Variants in RBFOX2 observed in about 807,000 individuals in gnomAD.
RBFOX2 encodes the protein RNA binding fox-1 homolog 2.
A neutral mutation model predicts 49.1 loss-of-function variants in RBFOX2; 10 were observed. That is an observed-to-expected ratio of 0.20 (90% CI 0.13 to 0.35). The LOEUF is 0.35. Ranked by LOEUF, RBFOX2 falls within the 10% of genes least tolerant of loss-of-function variation. The probability of loss-of-function intolerance (pLI) is 1.00; values close to 1 mark genes in which losing one functional copy is unlikely to be tolerated. For missense variants in RBFOX2, 323 were observed against 486.9 expected (o/e 0.66, Z 3.17); for synonymous variants, 183 against 187.4 (o/e 0.98, Z 0.19).
At chr22:35,951,013 G>A (rs1424443459) in intron 1 of RBFOX2, among the ~76,000 whole-genome samples, 1 of 149,784 alleles carries the variant, frequency 6.7e-6, no homozygotes, top group Non-Finnish European at 1.5e-5. Context: ...GAGTGCAGTG[G>A]TACAATCACA....
intron 1 of RBFOX2, among the ~76,000 whole-genome samples, chr22:35,853,623 C>T (rs929282720): frequency 6.6e-6 from 1 of 150,824 alleles, no homozygotes; most frequent in African/African-American, 2.4e-5. Context: ...TATACACATA[C>T]CATTATATGC....
chr22:35,879,642 A>C (rs1328398703), intron 1 of RBFOX2, among the ~76,000 whole-genome samples: 2 of 152,252 alleles, frequency 1.3e-5, no homozygotes, highest in African/African-American at 4.8e-5. Context: ...ACCTAGGAGC[A>C]GGCTTGACTG....
chr22:35,743,546 G>A (rs1365775962), exon 12 of RBFOX2: 1 of 152,266 alleles, frequency 6.6e-6, no homozygotes, highest in Non-Finnish European at 1.5e-5. Context: ...TATGCCAGCT[G>A]TCTCAGGCTG....
At chr22:35,806,768 AC>A (rs1950819476) in intron 2 of RBFOX2, among the ~76,000 whole-genome samples, 1 of 152,194 alleles carries the variant, frequency 6.6e-6, no homozygotes, top group Non-Finnish European at 1.5e-5. Flanking sequence ...AAATTTTCAG[AC>A]TGGATGAAGA....
chr22:35,969,295 G>A lies in RBFOX2; in HGVS notation c.187-30398C>T, dbSNP rs113043327. On this transcript the variant is annotated intron_variant, in intron 1 of 13. Coordinates refer to the RBFOX2 transcript ENST00000438146. ...AAAAAAAAAAGCAGCTTTTATGGCC[G>A]GGCACAGTGGCTCACGCCTGTAATC... is the stretch of plus-strand genomic sequence containing the variant. Among the ~76,000 whole-genome samples the A allele has an allele frequency of 2.3e-3, 346 of 152,134 alleles. 3 individuals carry two copies. The highest frequency in any genetic ancestry group is 7.1e-3 in the African/African-American group (293 of 41,486).
chr22:35,803,253 A>G (rs1288165482), intron 2 of RBFOX2, among the ~76,000 whole-genome samples: 5 of 152,212 alleles, frequency 3.3e-5, no homozygotes, highest in Non-Finnish European at 7.3e-5. Context: ...ATTTTCATTA[A>G]AAAATTACAA....
At chr22:35,961,752 AC>A, upstream of RBFOX2, 1 of 1,196,070 alleles carries the variant, frequency 8.4e-7, no homozygotes. Flanking sequence ...TCCCCACACC[AC>A]CCGCCCCAAA....
At chr22:35,738,866 T>C (rs572694041) in exon 12 of RBFOX2, 4 of 152,578 alleles carry the variant, frequency 2.6e-5, no homozygotes, top group African/African-American at 9.6e-5. Context: ...TGGAGAGTAA[T>C]ACAAAAAAAT....
At chr22:35,800,488 AG>A (rs1223745425) in intron 2 of RBFOX2, among the ~76,000 whole-genome samples, 1 of 152,204 alleles carries the variant, frequency 6.6e-6, no homozygotes, top group Non-Finnish European at 1.5e-5. Flanking sequence ...GCTTCAATCA[AG>A]TAGAAACCTA....
At chr22:35,753,758 G>T in intron 9 of RBFOX2, among the ~76,000 whole-genome samples, 1 of 139,878 alleles carries the variant, frequency 7.1e-6, no homozygotes, top group African/African-American at 2.6e-5. Context: ...TAACAAGTTT[G>T]AAGTAGACAA....
chr22:35,785,499 T>G (rs1946198312), intron 2 of RBFOX2, among the ~76,000 whole-genome samples: 1 of 152,206 alleles, frequency 6.6e-6, no homozygotes, highest in African/African-American at 2.4e-5. Flanking sequence ...GGTGACAGGA[T>G]GCATCCCCTC....
chr22:36,010,779 G>A (rs530086411), intron 1 of RBFOX2, among the ~76,000 whole-genome samples: 1 of 142,882 alleles, frequency 7.0e-6, no homozygotes, highest in Admixed American at 7.0e-5. Flanking sequence ...ACACACACAC[G>A]TGTGTTTATA....
chr22:35,953,210 C>CAAAAAAA (rs34387129), intron 1 of RBFOX2, among the ~76,000 whole-genome samples: 2 of 22,386 alleles, frequency 8.9e-5, no homozygotes, highest in African/African-American at 1.9e-4. Context: ...GACTCCATCT[C>CAAAAAAA]AAAAAAAAAA....
At chr22:35,892,888 C>T (rs2047414720) in intron 1 of RBFOX2, among the ~76,000 whole-genome samples, 1 of 152,214 alleles carries the variant, frequency 6.6e-6, no homozygotes, top group African/African-American at 2.4e-5. Context: ...GCTAAACCTA[C>T]ACTAAAACTC....
At chr22:35,908,010 T>C (rs1362307277) in intron 1 of RBFOX2, among the ~76,000 whole-genome samples, 1 of 152,210 alleles carries the variant, frequency 6.6e-6, no homozygotes, top group Non-Finnish European at 1.5e-5. Flanking sequence ...GCACATTTGA[T>C]GACCAAAACA....
At chr22:36,012,964 A>T (rs550867973) in intron 1 of RBFOX2, among the ~76,000 whole-genome samples, 1 of 151,982 alleles carries the variant, frequency 6.6e-6, no homozygotes, top group African/African-American at 2.4e-5. Context: ...TGGGGTTTCA[A>T]CCTGTTGGCC....
intron 1 of RBFOX2, among the ~76,000 whole-genome samples, chr22:36,026,537 T>TACATACAC (rs1556557803): frequency 7.4e-6 from 1 of 135,476 alleles, no homozygotes; most frequent in Non-Finnish European, 1.5e-5. Context: ...GATAAATGAA[T>TACATACAC]ACATACACAC....
chr22:35,862,631 T>C (rs1046191844), intron 1 of RBFOX2, among the ~76,000 whole-genome samples: 3 of 152,138 alleles, frequency 2.0e-5, no homozygotes, highest in African/African-American at 7.2e-5. Context: ...GTATCCCTAA[T>C]ACCTAGCAGA....
intron 1 of RBFOX2, among the ~76,000 whole-genome samples, chr22:35,934,742 T>C (rs2052855263): frequency 1.3e-5 from 2 of 152,124 alleles, no homozygotes; most frequent in African/African-American, 4.8e-5. Context: ...GCTCTTAAGC[T>C]CTTCTTATAT....
Sources: allele counts gnomAD v4.1 joint callset (sites outside exome capture counted in the v4.1 genomes callset), GRCh38; gene constraint gnomAD v4.1.1; transcripts MANE v1.5; gene names NCBI Gene and HGNC (gene_info 2026-07-23, HGNC 2026-07-21).